ART3: variants seen among roughly 807,000 people sequenced by gnomAD.
ART3 encodes the protein ADP-ribosyltransferase 3 (inactive), also known as ecto-ADP-ribosyltransferase 3.
A neutral mutation model predicts 48.5 loss-of-function variants in ART3; 49 were observed. The ratio of observed to expected loss-of-function variants is 1.01; its 90% CI spans 0.80 to 1.28. The LOEUF (loss-of-function observed/expected upper bound fraction) is 1.28. ART3 is among the 50% of genes most tolerant of loss of function. The probability of loss-of-function intolerance (pLI) is 0.00; values close to 1 mark genes in which losing one functional copy is unlikely to be tolerated. For missense variants in ART3, 438 were observed against 454.3 expected (o/e 0.96, Z 0.33); for synonymous variants, 145 against 157.2 (o/e 0.92, Z 0.58).
chr4:76,021,545 C>T (rs1732812056), intron 1 of ART3: 1 of 194,924 alleles, frequency 5.1e-6, no homozygotes, highest in East Asian at 1.3e-4. Context: ...GATTTGATTG[C>T]ATACCTTTTA....
At chr4:76,022,543 A>G (rs1445809599) in intron 1 of ART3, 1 of 1,487,880 alleles carries the variant, frequency 6.7e-7, no homozygotes, top group Non-Finnish European at 9.3e-7. Context: ...TCAGACATTT[A>G]AGTTTCACTC....
intron 1 of ART3, among the ~76,000 whole-genome samples, chr4:76,026,028 C>G (rs998887643): frequency 6.6e-6 from 1 of 152,034 alleles, no homozygotes; most frequent in African/African-American, 2.4e-5. Flanking sequence ...TCTAATTAAG[C>G]TGCTTTACTA....
intron 3 of ART3, among the ~76,000 whole-genome samples, chr4:76,093,513 T>C (rs1003565854): frequency 6.6e-6 from 1 of 152,168 alleles, no homozygotes; most frequent in African/African-American, 2.4e-5. Context: ...TCTTGTTTTT[T>C]CCACTTTTAA....
At chr4:76,087,375 A>G (rs907669814) in intron 3 of ART3, among the ~76,000 whole-genome samples, 2 of 152,164 alleles carry the variant, frequency 1.3e-5, no homozygotes, top group African/African-American at 4.8e-5. Context: ...GCCGCCATCT[A>G]GAGATGGAAA....
intron 1 of ART3, chr4:76,021,794 G>C: frequency 1.2e-6 from 1 of 831,160 alleles, no homozygotes; most frequent in South Asian, 1.5e-5. Flanking sequence ...GACCATCATT[G>C]GTCACCTTTT....
At chr4:76,034,184 C>T in intron 1 of ART3, 2 of 351,874 alleles carry the variant, frequency 5.7e-6, no homozygotes, top group Non-Finnish European at 1.0e-5. Context: ...TGTCTCCCTA[C>T]ATATTGATGT....
chr4:76,040,372 T>G (rs1734831035), intron 1 of ART3, among the ~76,000 whole-genome samples: 1 of 150,662 alleles, frequency 6.6e-6, no homozygotes, highest in Non-Finnish European at 1.5e-5. Flanking sequence ...AAGAAGAACC[T>G]TACCACCAGA....
intron 1 of ART3, chr4:76,022,322 C>T (rs771270907): frequency 8.0e-6 from 12 of 1,494,368 alleles, no homozygotes; most frequent in Non-Finnish European, 9.3e-6. Flanking sequence ...CCAAGATTGC[C>T]GTTTCCTAAA....
intron 10 of ART3, among the ~76,000 whole-genome samples, chr4:76,106,586 A>G (rs999420609): frequency 3.3e-5 from 5 of 152,210 alleles, no homozygotes; most frequent in Middle Eastern, 6.8e-3. Flanking sequence ...CCCATACATC[A>G]TTCTGCAGCT....
chr4:76,072,977 C>T (rs189671051), upstream of ART3, among the ~76,000 whole-genome samples: 117 of 152,304 alleles, frequency 7.7e-4, no homozygotes, highest in African/African-American at 2.6e-3. Flanking sequence ...ACACTCCATG[C>T]GCTCCTAGTC....
At chr4:76,017,992 C>G (rs778543568) in intron 1 of ART3, among the ~76,000 whole-genome samples, 1 of 152,262 alleles carries the variant, frequency 6.6e-6, no homozygotes, top group Non-Finnish European at 1.5e-5. Context: ...CTTTGTATCA[C>G]TGAAAGAAGT....
intron 1 of ART3, among the ~76,000 whole-genome samples, chr4:76,031,443 A>G (rs1159035791): frequency 6.6e-6 from 1 of 151,988 alleles, no homozygotes; most frequent in Non-Finnish European, 1.5e-5. Flanking sequence ...ATTGCAGCAA[A>G]TCCCAACTGA....
intron 1 of ART3, among the ~76,000 whole-genome samples, chr4:76,053,904 G>GCAACAAAGCCAA (rs1279560048): frequency 6.6e-6 from 1 of 152,226 alleles, no homozygotes; most frequent in East Asian, 1.9e-4. Context: ...TCTGTGCATG[G>GCAACAAAGCCAA]CCTTTAGTTG....
At chr4:76,062,147 A>T (rs1719276474) in intron 1 of ART3, among the ~76,000 whole-genome samples, 1 of 152,250 alleles carries the variant, frequency 6.6e-6, no homozygotes, top group African/African-American at 2.4e-5. Context: ...AGACCTACTC[A>T]TGTAATCATC....
chr4:76,022,820 G>A (rs756375420), intron 1 of ART3: 4 of 1,606,644 alleles, frequency 2.5e-6, no homozygotes, highest in Non-Finnish European at 2.5e-6. Flanking sequence ...AGGTACTCCT[G>A]TAGGAAAAGA....
At chr4:76,110,664 A>G (rs113753682) in intron 11 of ART3, among the ~76,000 whole-genome samples, 14 of 152,346 alleles carry the variant, frequency 9.2e-5, no homozygotes, top group African/African-American at 3.4e-4. Flanking sequence ...AATCCTACAT[A>G]AAACCTAGCG....
chr4:76,026,830 G>A (rs1246657011), intron 1 of ART3, among the ~76,000 whole-genome samples: 1 of 152,216 alleles, frequency 6.6e-6, no homozygotes, highest in Non-Finnish European at 1.5e-5. Flanking sequence ...TATTTTCTGT[G>A]CACTTTGTGT....
At chr4:76,056,572 C>T (rs576349454) in intron 1 of ART3, among the ~76,000 whole-genome samples, 60 of 151,982 alleles carry the variant, frequency 3.9e-4, no homozygotes, top group Non-Finnish European at 7.4e-4. Context: ...TTTAATAGCA[C>T]CAGAGTAATG....
chr4:76,043,866 A>G lies in ART3; in HGVS notation c.-9-32015A>G, dbSNP rs553933456. On this transcript the variant is annotated intron_variant, in intron 1 of 9. Transcript: ENST00000341029. Reference sequence around the variant, plus strand: ...TCACCTCTCAATCCCACCTCTAAACAGGACACCCCAACTGCTGTTGGGAAT... The same window carrying G: ...TCACCTCTCAATCCCACCTCTAAACGGGACACCCCAACTGCTGTTGGGAAT... Among the ~76,000 whole-genome samples, 54 of 152,050 alleles carry G rather than the reference A, an allele frequency of 3.6e-4. 1 individual carries two copies. The highest frequency in any genetic ancestry group is 6.9e-4 in the Non-Finnish European group (47 of 67,904).
Sources: allele counts gnomAD v4.1 joint callset (sites outside exome capture counted in the v4.1 genomes callset), GRCh38; gene constraint gnomAD v4.1.1; transcripts MANE v1.5; gene names NCBI Gene and HGNC (gene_info 2026-07-23, HGNC 2026-07-21).